Variants in ZHX3 observed in about 807,000 individuals in gnomAD.
ZHX3 encodes zinc fingers and homeoboxes protein 3.
In ZHX3, 20 loss-of-function variants were observed where a neutral mutation model predicts 64.5. That is an observed-to-expected ratio of 0.31 (90% CI 0.22 to 0.45). ZHX3 has a LOEUF of 0.45. Among genes scored for constraint, ZHX3 ranks in the 20% least tolerant of loss-of-function variants. The pLI, the probability that ZHX3 is intolerant of heterozygous loss-of-function variation, is 1.00. For synonymous variants in ZHX3, 423 were observed against 461.6 expected (o/e 0.92, Z 1.07); for missense variants, 1,041 against 1,195.8 (o/e 0.87, Z 1.91).
intron 1 of ZHX3, among the ~76,000 whole-genome samples, chr20:41,298,085 T>A (rs990285203): frequency 2.6e-5 from 4 of 152,184 alleles, no homozygotes; most frequent in Non-Finnish European, 5.9e-5. Context: ...CTTTTTTTTT[T>A]TATTTATATT....
At chr20:41,197,990 A>C (rs1456674405) in intron 3 of ZHX3, among the ~76,000 whole-genome samples, 1 of 150,144 alleles carries the variant, frequency 6.7e-6, no homozygotes. Flanking sequence ...AGTTATCTTA[A>C]CTAGTGCTCT....
At position 41,296,232 on chromosome 20, in the gene ZHX3, T is replaced by TAAAA. The variant is rs57987896; in HGVS notation, c.-245+21273_-245+21276dup. ...TTCCCTTCTCCTCAAGTTCATAAAG[T>TAAAA]AAAAAAAAAAAAAAAAAAAAAAAAA... On this transcript the variant is annotated intron_variant, in intron 1 of 3. Transcript: ENST00000683867. 1.8e-4 allele frequency among the ~76,000 whole-genome samples: 13 copies of TAAAA among 73,002 alleles called. 4 individuals are homozygous for TAAAA. The highest frequency in any genetic ancestry group is 4.1e-4 in the South Asian group (1 of 2,436). The allele number at this position is 73,002 out of a possible 152,430, so 47.9% of individuals were successfully genotyped here.
chr20:41,312,190 C>CT, intron 1 of ZHX3, among the ~76,000 whole-genome samples: 1 of 152,202 alleles, frequency 6.6e-6, no homozygotes, highest in African/African-American at 2.4e-5. Context: ...AATCGGCACC[C>CT]TGTAGCTAGC....
At chr20:41,217,664 T>A (rs1198462341) in intron 2 of ZHX3, among the ~76,000 whole-genome samples, 1 of 152,182 alleles carries the variant, frequency 6.6e-6, no homozygotes, top group Non-Finnish European at 1.5e-5. Flanking sequence ...CACTTCAATT[T>A]CATCATCAAA....
chr20:41,211,231 T>A (rs1430110185), intron 2 of ZHX3, among the ~76,000 whole-genome samples: 1 of 152,196 alleles, frequency 6.6e-6, no homozygotes, highest in South Asian at 2.1e-4. Context: ...CTTTTCGTTT[T>A]AGCAAATCAT....
intron 3 of ZHX3, among the ~76,000 whole-genome samples, chr20:41,190,329 C>T (rs772417098): frequency 6.6e-6 from 1 of 152,106 alleles, no homozygotes; most frequent in Admixed American, 6.5e-5. Context: ...CATGTGCCAC[C>T]ATGCCTGGCT....
At chr20:41,295,965 C>T (rs549307704) in intron 1 of ZHX3, among the ~76,000 whole-genome samples, 69 of 152,164 alleles carry the variant, frequency 4.5e-4, no homozygotes, top group African/African-American at 1.3e-3. Flanking sequence ...TTGATCTTCT[C>T]GTTCAGTTGG....
In ZHX3 at chr20:41,184,859, G is replaced by A. The variant is rs1463210513; in HGVS notation, c.*332C>T. ...AATCTGATGTTTTATTTAACATATA[G>A]AGGTGGATGTATATGTTAAAAGCTT... On this transcript the variant is annotated 3_prime_UTR_variant, in exon 4 of 4. Coordinates refer to ENST00000683867, the MANE Select transcript of ZHX3 (RefSeq NM_001384317.1). 6.8e-7 allele frequency: 1 copy of A among 1,461,734 alleles called. No individual in the cohort carries two copies. Among genetic ancestry groups the A allele is most frequent in the Non-Finnish European group, 9.1e-7 (1 of 1,098,508 alleles). 90.5% of individuals were successfully genotyped at this position (1,461,734 alleles called of 1,614,324 possible). A position where few individuals can be genotyped will look rare whatever the true frequency, so the allele number is the denominator to read the frequency against.
At chr20:41,297,032 C>T (rs1454161459) in intron 1 of ZHX3, among the ~76,000 whole-genome samples, 4 of 152,198 alleles carry the variant, frequency 2.6e-5, no homozygotes, top group Non-Finnish European at 4.4e-5. Flanking sequence ...CTGCCCATAC[C>T]TCTTGAAGTA....
At chr20:41,307,581 C>T (rs1406967828) in intron 1 of ZHX3, among the ~76,000 whole-genome samples, 1 of 152,198 alleles carries the variant, frequency 6.6e-6, no homozygotes, top group Non-Finnish European at 1.5e-5. Context: ...ACATTAATTA[C>T]AGAAACAAGG....
At chr20:41,303,876 G>C (rs1268906813) in intron 1 of ZHX3, among the ~76,000 whole-genome samples, 2 of 152,054 alleles carry the variant, frequency 1.3e-5, no homozygotes, top group Non-Finnish European at 2.9e-5. Flanking sequence ...GCTCTTTTAA[G>C]CATCAGCAGT....
At chr20:41,217,411 TAAAAA>T (rs71332490) in intron 2 of ZHX3, among the ~76,000 whole-genome samples, 3 of 151,572 alleles carry the variant, frequency 2.0e-5, no homozygotes, top group African/African-American at 7.3e-5. Context: ...TTTTCATAAT[TAAAAA>T]AAAATTAAAA....
At chr20:41,216,062 G>A (rs2039512739) in intron 2 of ZHX3, among the ~76,000 whole-genome samples, 3 of 152,048 alleles carry the variant, frequency 2.0e-5, no homozygotes, top group South Asian at 2.1e-4. Context: ...GAAAAAAGAT[G>A]TAAAGAATGT....
At chr20:41,241,095 T>G (rs545200764) in intron 2 of ZHX3, among the ~76,000 whole-genome samples, 34 of 152,348 alleles carry the variant, frequency 2.2e-4, no homozygotes, top group African/African-American at 7.5e-4. Flanking sequence ...CTCCAAACTG[T>G]TCTCCACAGT....
chr20:41,274,796 T>C (rs964938792), intron 1 of ZHX3, among the ~76,000 whole-genome samples: 1 of 152,232 alleles, frequency 6.6e-6, no homozygotes, highest in African/African-American at 2.4e-5. Flanking sequence ...TTGCACCTCC[T>C]GTCAATGTAT....
At chr20:41,235,379 A>G (rs956773033) in intron 2 of ZHX3, among the ~76,000 whole-genome samples, 1 of 152,202 alleles carries the variant, frequency 6.6e-6, no homozygotes, top group Admixed American at 6.5e-5. Context: ...TCAATAAAAT[A>G]CTGGCAAACC....
At chr20:41,197,995 T>G (rs2037886482) in intron 3 of ZHX3, among the ~76,000 whole-genome samples, 1 of 147,276 alleles carries the variant, frequency 6.8e-6, no homozygotes, top group Admixed American at 6.8e-5. Flanking sequence ...TCTTAACTAG[T>G]GCTCTTTTTT....
At chr20:41,304,693 C>A (rs374990417) in intron 1 of ZHX3, among the ~76,000 whole-genome samples, 1 of 152,146 alleles carries the variant, frequency 6.6e-6, no homozygotes, top group African/African-American at 2.4e-5. Flanking sequence ...TTGGGCAGAC[C>A]AGCAGGCTAG....
chr20:41,190,221 T>A (rs4344974), intron 3 of ZHX3, among the ~76,000 whole-genome samples: 1 of 151,986 alleles, frequency 6.6e-6, no homozygotes, highest in Non-Finnish European at 1.5e-5. Flanking sequence ...GTAGCCCAGG[T>A]GGAAGCACAG....
Sources: gnomAD v4.1 joint callset for allele counts (sites outside exome capture counted in the v4.1 genomes callset) on GRCh38, gnomAD v4.1.1 for gene constraint, MANE v1.5 for transcripts, NCBI Gene and HGNC (gene_info 2026-07-23, HGNC 2026-07-21) for gene names.